Variants in ERMAP observed in about 807,000 individuals in gnomAD.
ERMAP encodes the protein erythroid membrane-associated protein.
ERMAP carries 34 observed loss-of-function variants against 49.5 expected under a neutral mutation model. That is an observed-to-expected ratio of 0.69 (90% CI 0.52 to 0.91). The LOEUF (loss-of-function observed/expected upper bound fraction) is 0.91, where lower values mean the gene tolerates loss of function less well. ERMAP is among the 40% of genes least tolerant of loss of function. The pLI is 0.00. For missense variants in ERMAP, 541 were observed against 582.6 expected (o/e 0.93, Z 0.74); for synonymous variants, 214 against 232.2 (o/e 0.92, Z 0.71).
In ERMAP at chr1:42,836,945, G is replaced by A. The variant is rs1330299283; in HGVS notation, c.584-213G>A. The A allele has an allele frequency of 6.1e-6, 3 of 488,432 alleles. No homozygotes were observed. The East Asian group carries it at 9.6e-5, about 16-fold the overall frequency. 30.3% of individuals were successfully genotyped at this position (488,432 alleles called of 1,614,324 possible). Reference sequence around the variant, plus strand: ...CTAAACAATTCTCTCAGGCTGCAGAGTTTAGTAGAGACCAGAGGGATTAAG... The same window carrying A: ...CTAAACAATTCTCTCAGGCTGCAGAATTTAGTAGAGACCAGAGGGATTAAG... On this transcript the variant is annotated intron_variant, in intron 6 of 11. Transcript: ENST00000372517.
chr1:42,840,679 A>G (rs1306760342), intron 11 of ERMAP, among the ~76,000 whole-genome samples: 1 of 151,818 alleles, frequency 6.6e-6, no homozygotes, highest in Non-Finnish European at 1.5e-5. Flanking sequence ...GCTCTTTGTC[A>G]TATTTGTCAC....
At chr1:42,840,237 G>A (rs886293460) in intron 10 of ERMAP, 33 bp from the exon 11 acceptor site, 2 of 1,613,966 alleles carry the variant, frequency 1.2e-6, no homozygotes, top group African/African-American at 1.3e-5. Flanking sequence ...GATGTCTCTG[G>A]TACTTTAATG....
At chr1:42,834,504 G>C (rs1234593137) in intron 4 of ERMAP, among the ~76,000 whole-genome samples, 1 of 152,188 alleles carries the variant, frequency 6.6e-6, no homozygotes, top group African/African-American at 2.4e-5. Context: ...TCTTGAGGCA[G>C]GACCATCCAA....
At chr1:42,842,200 GA>G (rs991791783) in intron 11 of ERMAP, among the ~76,000 whole-genome samples, 2 of 152,144 alleles carry the variant, frequency 1.3e-5, no homozygotes, top group African/African-American at 4.8e-5. Flanking sequence ...AGCAATGAGG[GA>G]TTAAGGTTCC....
chr1:42,840,040 C>T lies in ERMAP; in HGVS notation c.645C>T (p.Leu215=). The part of the protein sequence containing the change: ...KGKLHKAVKK[L]RSELKLKRAA... ...ATTGTTTTCATTCTTTAGAGAAACT[C>T]CGGAGTGAACTGAGTAAGTTTCCCA... Residue 215 remains leucine, a synonymous_variant, in exon 9 of 12, where the codon CTC becomes CTT. Transcript: ENST00000372517. 6.2e-7 allele frequency: 1 copy of T among 1,614,120 alleles called. No individual in the cohort carries two copies. The highest frequency in any genetic ancestry group is 1.1e-5 in the South Asian group (1 of 91,092).
intron 8 of ERMAP, 105 bp downstream of exon 8, chr1:42,839,026 G>A: frequency 6.3e-7 from 1 of 1,584,498 alleles, no homozygotes; most frequent in East Asian, 2.2e-5. Flanking sequence ...AGGGGGTACT[G>A]GTAATTCAAG....
chr1:42,834,714 C>A (rs1421058742), intron 4 of ERMAP: 1 of 242,860 alleles, frequency 4.1e-6, no homozygotes, highest in African/African-American at 2.3e-5. Flanking sequence ...CGCCACCACA[C>A]CTGGCTAATT....
At chr1:42,830,675 C>A in intron 3 of ERMAP, 93 bp from the exon 4 acceptor site, 2 of 1,420,706 alleles carry the variant, frequency 1.4e-6, no homozygotes, top group Non-Finnish European at 1.9e-6. Flanking sequence ...CCTTCCTGGG[C>A]TCTGTCCGTC....
chr1:42,837,914 C>T (rs779125983), intron 7 of ERMAP: 5 of 152,442 alleles, frequency 3.3e-5, no homozygotes, highest in Non-Finnish European at 5.9e-5. Flanking sequence ...GCAAGCGTGG[C>T]GTGTATCTGG....
Position 42,830,684 on chromosome 1 carries a change from T to TC in ERMAP, c.86-80dup, listed in dbSNP as rs973829062. 4.2e-6 allele frequency: 6 copies of TC among 1,423,326 alleles called. No homozygotes were observed. The Admixed American group carries it at 6.6e-5, about 16-fold the overall frequency. The allele number at this position is 1,423,326 out of a possible 1,614,324, so 88.2% of individuals were successfully genotyped here. ...CAGAGTCCTTCCTGGGCTCTGTCCG[T>TC]CCCCGGGATATCCTCTTCCTCATCC... On this transcript the variant is annotated intron_variant, in intron 3 of 11. Coordinates refer to ENST00000372517, the MANE Select transcript of ERMAP (RefSeq NM_001017922.2).
intron 1 of ERMAP, 48 bp from the exon 2 acceptor site, chr1:42,825,575 C>A: frequency 1.6e-6 from 2 of 1,256,722 alleles, no homozygotes; most frequent in Non-Finnish European, 2.1e-6. Flanking sequence ...AGAGCCCTGG[C>A]CTCTCATATT....
In ERMAP at chr1:42,819,206, T is replaced by TGTGTGCGC. The variant is rs60221239; in HGVS notation, c.-122+1954_-122+1955insTGTGCGCG. Among the ~76,000 whole-genome samples the TGTGTGCGC allele has an allele frequency of 2.6e-4, 21 of 81,802 alleles. No homozygotes were observed. The highest frequency in any genetic ancestry group is 7.0e-4 in the African/African-American group (20 of 28,612). 53.7% of individuals were successfully genotyped at this position (81,802 alleles called of 152,430 possible). ...GTGTGTGTGTGTGTGTGTGTGTGTGTGCGCGCGCGCAAGAGAGGGACCGAG... is the reference window on the plus strand; with the variant it reads ...GTGTGTGTGTGTGTGTGTGTGTGTGTGTGTGCGCGCGCGCGCGCAAGAGAGGGACCGAG... On this transcript the variant is annotated intron_variant, in intron 1 of 11. Coordinates refer to ENST00000372517, the MANE Select transcript of ERMAP (RefSeq NM_001017922.2). This position sits in a 1 kb window ranked among gnomAD's most constrained non-coding sequence, Gnocchi z 5.1.
chr1:42,834,835 G>A lies in ERMAP; in HGVS notation c.434-203G>A, dbSNP rs12129107. ...CTCCCAAAGTGCTGGTATTACAGGCGTGAGCCACCGTTCCCAGCCTCAGTT... is the reference window on the plus strand; with the variant it reads ...CTCCCAAAGTGCTGGTATTACAGGCATGAGCCACCGTTCCCAGCCTCAGTT... On this transcript the variant is annotated intron_variant, in intron 4 of 11. Transcript: ENST00000372517. 3,809 of 496,936 alleles carry A rather than the reference G, an allele frequency of 7.7e-3. 16 individuals are homozygous for A. Among genetic ancestry groups the A allele is most frequent in the Non-Finnish European group, 9.5e-3 (2,628 of 275,574 alleles). 30.8% of individuals were successfully genotyped at this position (496,936 alleles called of 1,614,324 possible).
At chr1:42,834,991 C>G in intron 4 of ERMAP, 47 bp from the exon 5 acceptor site, 1 of 811,728 alleles carries the variant, frequency 1.2e-6, no homozygotes, top group South Asian at 1.3e-5. Flanking sequence ...ATGCCAGAAG[C>G]TCTTAGACAT....
chr1:42,817,133 C>T lies in ERMAP; in HGVS notation c.-242C>T. 8.4e-7 allele frequency: 1 copy of T among 1,192,744 alleles called. No homozygotes were observed. The highest frequency in any genetic ancestry group is 1.1e-6 in the Non-Finnish European group (1 of 936,906). 73.9% of individuals were successfully genotyped at this position (1,192,744 alleles called of 1,614,324 possible). ...CCCCGCCTCCTGCCCTCTTCCCTCT[C>T]CTGGAGGAAAATGGCGGTCGCTGGA... On this transcript the variant is annotated 5_prime_UTR_variant, in exon 1 of 12. Transcript: ENST00000372517.
intron 11 of ERMAP, among the ~76,000 whole-genome samples, chr1:42,840,662 T>C (rs1655033330): frequency 6.6e-6 from 1 of 152,188 alleles, no homozygotes; most frequent in Non-Finnish European, 1.5e-5. Flanking sequence ...CTAGATAAAG[T>C]ATATTAGCTC....
chr1:42,844,166 C>T lies in ERMAP; in HGVS notation c.*934C>T. On this transcript the variant is annotated 3_prime_UTR_variant, in exon 12 of 12. Coordinates refer to ENST00000372517, the MANE Select transcript of ERMAP (RefSeq NM_001017922.2). The surrounding 1 kb of genome is among the most constrained non-coding windows in gnomAD (Gnocchi z 4.0). The stretch of plus-strand genomic sequence containing the variant: ...CCCACAAGACCATTGTACTGCAATA[C>T]TTGAGTATTTGTGTAGCAAACAGCC... 2.5e-6 allele frequency: 1 copy of T among 398,604 alleles called. No individual in the cohort carries two copies. Among genetic ancestry groups the T allele is most frequent in the Non-Finnish European group, 4.4e-6 (1 of 226,052 alleles). The allele number at this position is 398,604 out of a possible 1,614,324, so 24.7% of individuals were successfully genotyped here. A position where few individuals can be genotyped will look rare whatever the true frequency, so the allele number is the denominator to read the frequency against.
intron 8 of ERMAP, 33 bp from the exon 9 acceptor site, chr1:42,840,000 C>T (rs1655010537): frequency 6.2e-7 from 1 of 1,613,834 alleles, no homozygotes; most frequent in Middle Eastern, 1.7e-4. Context: ...AGAGGCCCTC[C>T]TTCTGATTTG....
chr1:42,817,277 A>T (rs1007407959), intron 1 of ERMAP, 24 bp downstream of exon 1: 1 of 1,231,990 alleles, frequency 8.1e-7, no homozygotes, highest in Admixed American at 2.7e-5. Flanking sequence ...TCCCCCGACC[A>T]CTGGACCCAG....
Sources: allele counts gnomAD v4.1 joint callset (sites outside exome capture counted in the v4.1 genomes callset), GRCh38; gene constraint gnomAD v4.1.1; non-coding constraint Gnocchi (gnomAD v3.1); transcripts MANE v1.5; gene names NCBI Gene and HGNC (gene_info 2026-07-23, HGNC 2026-07-21).